The following THSD7B variants were observed in gnomAD, a reference collection of about 807,000 sequenced individuals.
THSD7B encodes thrombospondin type-1 domain-containing protein 7B.
THSD7B carries 138 observed loss-of-function variants against 213.6 expected under a neutral mutation model. The ratio of observed to expected loss-of-function variants is 0.65; its 90% confidence interval spans 0.56 to 0.74. THSD7B has a LOEUF of 0.74. Ranked by LOEUF, THSD7B falls within the 30% of genes least tolerant of loss-of-function variation. The pLI is 0.00. For missense variants in THSD7B, 1,931 were observed against 1,991.5 expected (o/e 0.97, Z 0.58); for synonymous variants, 742 against 687.0 (o/e 1.08, Z -1.25).
intron 15 of THSD7B, among the ~76,000 whole-genome samples, chr2:137,509,339 T>C (rs1359221387): frequency 6.6e-6 from 1 of 151,532 alleles, no homozygotes; most frequent in South Asian, 2.1e-4. Flanking sequence ...TTTCTTTCTT[T>C]TTCTCTTTCT....
intron 12 of THSD7B, among the ~76,000 whole-genome samples, chr2:137,276,842 T>C (rs12612868): frequency 0.27 from 40,335 of 151,968 alleles, 6,580 homozygotes; most frequent in Non-Finnish European, 0.37. Flanking sequence ...AGTTTCTCTT[T>C]TTGTTACATA....
chr2:137,675,726 G>C (rs1409717197), intron 27 of THSD7B, among the ~76,000 whole-genome samples: 1 of 152,136 alleles, frequency 6.6e-6, no homozygotes, highest in Non-Finnish European at 1.5e-5. Context: ...GTTGGAGACA[G>C]GGAGAGAGAT....
intron 1 of THSD7B, among the ~76,000 whole-genome samples, chr2:136,828,105 C>G (rs1682689014): frequency 1.3e-5 from 2 of 152,068 alleles, no homozygotes; most frequent in Non-Finnish European, 2.9e-5. Flanking sequence ...TTCTCCAGCC[C>G]TCATTCCACT....
At chr2:137,023,697 C>T (rs898754947) in intron 2 of THSD7B, among the ~76,000 whole-genome samples, 10 of 152,008 alleles carry the variant, frequency 6.6e-5, no homozygotes, top group African/African-American at 2.4e-4. Context: ...GGCCCGAGGA[C>T]AGGAGTCCTC....
intron 2 of THSD7B, among the ~76,000 whole-genome samples, chr2:136,900,810 TGAAA>T (rs1464751431): frequency 6.6e-6 from 1 of 152,192 alleles, no homozygotes; most frequent in Non-Finnish European, 1.5e-5. Flanking sequence ...CAAATTCTGA[TGAAA>T]GAAAGATAAG....
intron 12 of THSD7B, among the ~76,000 whole-genome samples, chr2:137,389,402 A>ACTTTTTTTTTTTTTTTTTTTTTTTTTTTT (rs1685967896): frequency 2.6e-5 from 1 of 38,052 alleles, no homozygotes; most frequent in African/African-American, 1.2e-4. Flanking sequence ...TCTTAATGTG[A>ACTTTTTTTTTTTTTTTTTTTTTTTTTTTT]TTTTTTTTTT....
chr2:137,411,568 C>A, intron 13 of THSD7B, 41 bp from the exon 14 acceptor site: 1 of 1,545,604 alleles, frequency 6.5e-7, no homozygotes, highest in Admixed American at 2.0e-5. Context: ...AACAAAACAG[C>A]AGATAAGCAT....
chr2:137,178,807 A>G lies in THSD7B; in HGVS notation c.1723+7869A>G, dbSNP rs73960918. ...GGCATTGTATTTTGAATTACTTCCA[A>G]TTTCCACCCTGCTGCATACGTAGAC... On this transcript the variant is annotated intron_variant, in intron 7 of 27. Coordinates refer to ENST00000409968, the MANE Select transcript of THSD7B (RefSeq NM_001316349.2). Among the ~76,000 whole-genome samples the G allele has an allele frequency of 5.7e-3, 861 of 152,238 alleles. 9 individuals are homozygous for G. The highest frequency in any genetic ancestry group is 0.02 in the African/African-American group (828 of 41,540).
At chr2:137,526,118 G>T (rs1363503068) in intron 15 of THSD7B, among the ~76,000 whole-genome samples, 2 of 152,032 alleles carry the variant, frequency 1.3e-5, no homozygotes, top group Non-Finnish European at 2.9e-5. Context: ...TTACTGCTTG[G>T]AGAGAGGCAG....
intron 3 of THSD7B, among the ~76,000 whole-genome samples, chr2:137,079,218 C>T (rs746519092): frequency 2.6e-5 from 4 of 151,816 alleles, no homozygotes; most frequent in East Asian, 3.9e-4. Context: ...TCTCTATTAT[C>T]GATGTGATTT....
At chr2:136,867,627 T>C (rs1335463288) in intron 1 of THSD7B, among the ~76,000 whole-genome samples, 1 of 152,230 alleles carries the variant, frequency 6.6e-6, no homozygotes, top group Non-Finnish European at 1.5e-5. Flanking sequence ...AAAATCTTTC[T>C]GCTGATGGAA....
At chr2:137,170,335 A>G (rs35227872) in intron 6 of THSD7B, among the ~76,000 whole-genome samples, 7,023 of 152,268 alleles carry the variant, frequency 0.046, 201 homozygotes, top group Admixed American at 0.069. Context: ...CCAGAGAGGT[A>G]ATGTATTTTA....
intron 7 of THSD7B, among the ~76,000 whole-genome samples, chr2:137,229,350 G>GGTGTGTGT (rs143029313): frequency 6.7e-6 from 1 of 150,044 alleles, no homozygotes; most frequent in Non-Finnish European, 1.5e-5. Context: ...TGCTGTATTG[G>GGTGTGTGT]GTGTGTGTGT....
chr2:137,171,661 A>G (rs1164078378), intron 7 of THSD7B, among the ~76,000 whole-genome samples: 2 of 152,248 alleles, frequency 1.3e-5, no homozygotes, highest in Non-Finnish European at 2.9e-5. Context: ...CAGCTCTGCC[A>G]TGAGAAGCCC....
At chr2:137,159,078 T>G (rs1025304738) in intron 5 of THSD7B, among the ~76,000 whole-genome samples, 2 of 152,118 alleles carry the variant, frequency 1.3e-5, no homozygotes, top group African/African-American at 2.4e-5. Context: ...AATTACAGTC[T>G]TCACAAGGAT....
At chr2:137,100,625 G>T (rs733205) in intron 4 of THSD7B, among the ~76,000 whole-genome samples, 1 of 151,802 alleles carries the variant, frequency 6.6e-6, no homozygotes, top group South Asian at 2.1e-4. Flanking sequence ...TGCCTGGCTC[G>T]TAGTAAATGC....
intron 7 of THSD7B, among the ~76,000 whole-genome samples, chr2:137,190,137 G>T (rs1444101381): frequency 2.0e-5 from 3 of 152,142 alleles, no homozygotes; most frequent in Non-Finnish European, 4.4e-5. Context: ...GTAGGCTTCC[G>T]CTGGATGTGA....
At chr2:137,025,850 A>G (rs555185320) in intron 2 of THSD7B, among the ~76,000 whole-genome samples, 105 of 152,194 alleles carry the variant, frequency 6.9e-4, no homozygotes, top group Admixed American at 1.2e-3. Context: ...ATTATAATAT[A>G]TTATTAAAGG....
intron 21 of THSD7B, among the ~76,000 whole-genome samples, chr2:137,653,986 C>T (rs62168465): frequency 0.087 from 13,230 of 151,714 alleles, 657 homozygotes; most frequent in Middle Eastern, 0.16. Context: ...ATGGACGTAC[C>T]TCTCTGTCTT....
Sources: gnomAD v4.1 joint callset for allele counts (sites outside exome capture counted in the v4.1 genomes callset) on GRCh38, gnomAD v4.1.1 for gene constraint, MANE v1.5 for transcripts, NCBI Gene and HGNC (gene_info 2026-07-23, HGNC 2026-07-21) for gene names.